The following UGT1A8 variants were observed in gnomAD, a reference collection of about 807,000 sequenced individuals.
UGT1A8 encodes the protein UDP glucuronosyltransferase family 1 member A8.
UGT1A8 carries 39 observed loss-of-function variants against 45.3 expected under a neutral mutation model. The observed-to-expected ratio is 0.86, with a 90% CI of 0.67 to 1.12. The LOEUF (loss-of-function observed/expected upper bound fraction) is 1.12, where lower values mean the gene tolerates loss of function less well. UGT1A8 is among the 50% of genes most tolerant of loss of function. The probability of loss-of-function intolerance (pLI) is 0.00; values close to 1 mark genes in which losing one functional copy is unlikely to be tolerated. For missense variants in UGT1A8, 719 were observed against 664.9 expected, an observed-to-expected ratio of 1.08 and a Z score of -0.90; for synonymous variants, 275 against 249.2, an observed-to-expected ratio of 1.10 and a Z score of -0.97.
chr2:233,694,260 G>A (rs7592624), intron 1 of UGT1A8, among the ~76,000 whole-genome samples: 87,410 of 151,760 alleles, frequency 0.58, 25,440 homozygotes, highest in South Asian at 0.64. Flanking sequence ...AGGGACCAGC[G>A]AACTACAGCC....
At chr2:233,633,593 GTGTAGAGGTGTTGATAGTATTCTCTGA>G (rs2073229359) in intron 1 of UGT1A8, among the ~76,000 whole-genome samples, 1 of 152,168 alleles carries the variant, frequency 6.6e-6, no homozygotes, top group Non-Finnish European at 1.5e-5. Flanking sequence ...TAGTTTATTT[GTGTAGAGGTGTTGATAGTATTCTCTGA>G]TGGTAGTTTG....
intron 1 of UGT1A8, chr2:233,637,032 G>A (rs145709362): frequency 4.3e-6 from 7 of 1,613,820 alleles, no homozygotes; most frequent in East Asian, 2.2e-5. Flanking sequence ...TCTTCACCAG[G>A]GGAATATTTT....
chr2:233,754,759 C>T lies in UGT1A8; in HGVS notation c.856-12275C>T, dbSNP rs188420016. 6.3e-5 allele frequency: 56 copies of T among 893,964 alleles called. No individual in the cohort carries two copies. In the African/African-American group the frequency reaches 8.1e-4, roughly 13 times the overall value. 55.4% of individuals were successfully genotyped at this position (893,964 alleles called of 1,614,324 possible). On this transcript the variant is annotated intron_variant, in intron 1 of 4. Transcript: ENST00000373450. ...TAGGACATGCAGAAGGAAGAAAGGCCCCCACTTCCCAGGGAGCCAAAGGAA... is the reference window on the plus strand; with the variant it reads ...TAGGACATGCAGAAGGAAGAAAGGCTCCCACTTCCCAGGGAGCCAAAGGAA...
At chr2:233,720,871 A>ATTT (rs60621337) in intron 1 of UGT1A8, among the ~76,000 whole-genome samples, 7,391 of 132,696 alleles carry the variant, frequency 0.056, 241 homozygotes, top group Non-Finnish European at 0.067. Context: ...GCTCCTGGCA[A>ATTT]TTTTTTTTTT....
At chr2:233,619,809 T>A (rs2072967860) in intron 1 of UGT1A8, among the ~76,000 whole-genome samples, 1 of 152,208 alleles carries the variant, frequency 6.6e-6, no homozygotes, top group South Asian at 2.1e-4. Context: ...CAATATGCAA[T>A]ACCATCTGCA....
rs533404227 is a variant in UGT1A8, at chr2:233,760,412, G to A, written c.856-6622G>A. 5.0e-6 allele frequency: 8 copies of A among 1,614,222 alleles called. No homozygotes were observed. The African/African-American group carries it at 1.1e-4, about 22-fold the overall frequency. Reference sequence around the variant, plus strand: ...CCAGTGGATGGCAGCCACTGGCTGAGCATGCTTGGGGCCATCCAGCAGCTG... The same window carrying A: ...CCAGTGGATGGCAGCCACTGGCTGAACATGCTTGGGGCCATCCAGCAGCTG... On this transcript the variant is annotated intron_variant, in intron 1 of 4. Transcript: ENST00000373450.
At chr2:233,663,839 G>A (rs1365743576) in intron 1 of UGT1A8, among the ~76,000 whole-genome samples, 2 of 152,146 alleles carry the variant, frequency 1.3e-5, no homozygotes, top group African/African-American at 4.8e-5. Context: ...TTTTGCAAAG[G>A]CGGTTTCATT....
intron 1 of UGT1A8, among the ~76,000 whole-genome samples, chr2:233,640,097 A>C (rs113910051): frequency 9.6e-4 from 146 of 152,324 alleles, no homozygotes; most frequent in African/African-American, 3.4e-3. Flanking sequence ...CATTGCTCTA[A>C]GATTCTGGCT....
At chr2:233,730,371 T>C (rs1375924319) in intron 1 of UGT1A8, among the ~76,000 whole-genome samples, 1 of 152,196 alleles carries the variant, frequency 6.6e-6, no homozygotes, top group Non-Finnish European at 1.5e-5. Flanking sequence ...AGCATGATTT[T>C]CAGGGGAAAG....
At chr2:233,698,278 C>A (rs1233966249) in intron 1 of UGT1A8, among the ~76,000 whole-genome samples, 4 of 152,042 alleles carry the variant, frequency 2.6e-5, no homozygotes, top group Non-Finnish European at 5.9e-5. Context: ...CATTTCAACA[C>A]TATGAAAAAA....
rs1476500325 is a variant in UGT1A8 at position 233,772,338 on chromosome 2, T to C, written c.1372T>C (p.Trp458Arg). ...PVEPLDLAVF[W>R]VEFVMRHKGA... ...GGAGCCGCTGGACCTGGCCGTGTTC[T>C]GGGTGGAGTTTGTGATGAGGCACAA... Residue 458 changes from tryptophan (W) to arginine (R), a missense_variant, in exon 5 of 5, where the codon TGG becomes CGG. Trp to Arg is a moderately radical substitution (Grantham distance 101). Coordinates refer to ENST00000373450, the MANE Select transcript of UGT1A8 (RefSeq NM_019076.5). 3.1e-6 allele frequency: 5 copies of C among 1,614,136 alleles called. No individual in the cohort carries two copies. The highest frequency in any genetic ancestry group is 4.2e-6 in the Non-Finnish European group (5 of 1,180,052).
chr2:233,673,498 A>T (rs570571903), intron 1 of UGT1A8, among the ~76,000 whole-genome samples: 1 of 152,234 alleles, frequency 6.6e-6, no homozygotes, highest in East Asian at 1.9e-4. Context: ...ATCTTAGTTG[A>T]CTAGAGCCCT....
At chr2:233,642,916 C>G (rs1401427281) in intron 1 of UGT1A8, among the ~76,000 whole-genome samples, 3 of 152,160 alleles carry the variant, frequency 2.0e-5, no homozygotes, top group African/African-American at 7.2e-5. Context: ...GTCTCTCTCT[C>G]TGTTCTGAGC....
intron 1 of UGT1A8, among the ~76,000 whole-genome samples, chr2:233,765,887 T>C (rs1279202147): frequency 1.3e-5 from 2 of 152,030 alleles, no homozygotes; most frequent in African/African-American, 2.4e-5. Flanking sequence ...ACTTTCTCAG[T>C]GCGCCACTGC....
chr2:233,683,353 T>C (rs2074630089), intron 1 of UGT1A8, among the ~76,000 whole-genome samples: 1 of 152,192 alleles, frequency 6.6e-6, no homozygotes, highest in South Asian at 2.1e-4. Context: ...AGTCTTTACT[T>C]TGGATGCAAT....
At chr2:233,625,834 A>G (rs971773283) in intron 1 of UGT1A8, among the ~76,000 whole-genome samples, 1 of 151,916 alleles carries the variant, frequency 6.6e-6, no homozygotes, top group African/African-American at 2.4e-5. Context: ...ATTGGGTAAT[A>G]TGCTCAGTAC....
intron 1 of UGT1A8, chr2:233,692,799 G>T: frequency 7.2e-7 from 1 of 1,392,828 alleles, no homozygotes. Flanking sequence ...AGCTGACACG[G>T]CCATAGTTGG....
In UGT1A8 at chr2:233,618,361, A is replaced by T; in HGVS notation, c.654A>T (p.Leu218Phe). ...ACATCATGCACTTGGAGGAACATTT[A>T]TTTTGCCAGTATTTTTCCAAAAATG... Reference protein sequence around the residue: ...RNHIMHLEEHLFCQYFSKNAL... With the variant: ...RNHIMHLEEHFFCQYFSKNAL... The change falls in exon 1 of 5, where the codon TTA becomes TTT. Residue 218 changes from leucine (L) to phenylalanine (F), a missense_variant. By Grantham distance (22) the Leu-to-Phe change is conservative (BLOSUM62 0). Transcript: ENST00000373450. The T allele has an allele frequency of 6.2e-7, 1 of 1,613,904 alleles. No homozygotes were observed.
intron 1 of UGT1A8, among the ~76,000 whole-genome samples, chr2:233,731,421 G>A (rs1039281599): frequency 6.6e-6 from 1 of 151,738 alleles, no homozygotes; most frequent in Non-Finnish European, 1.5e-5. Flanking sequence ...TTTTCCTAAT[G>A]CCATCCCTCC....
Sources: gnomAD v4.1 joint callset for allele counts (sites outside exome capture counted in the v4.1 genomes callset) on GRCh38, gnomAD v4.1.1 for gene constraint, MANE v1.5 for transcripts, NCBI Gene and HGNC (gene_info 2026-07-23, HGNC 2026-07-21) for gene names.